The following CLMN variants were observed in gnomAD, a reference collection of about 807,000 sequenced individuals.
The protein encoded by CLMN is calmin.
A neutral mutation model predicts 92.7 loss-of-function variants in CLMN; 57 were observed. That is an observed-to-expected ratio of 0.61 (90% CI 0.50 to 0.77). The LOEUF (loss-of-function observed/expected upper bound fraction) is 0.77. Ranked by LOEUF, CLMN falls within the 30% of genes least tolerant of loss-of-function variation. The pLI is 0.00. For missense variants in CLMN, 1,158 were observed against 1,237.5 expected, an observed-to-expected ratio of 0.94 and a Z score of 0.96; for synonymous variants, 466 against 470.6, an observed-to-expected ratio of 0.99 and a Z score of 0.13.
intron 1 of CLMN, among the ~76,000 whole-genome samples, chr14:95,319,433 G>A (rs903479367): frequency 3.3e-5 from 5 of 152,146 alleles, no homozygotes; most frequent in Non-Finnish European, 5.9e-5. Flanking sequence ...GTGACTGGAG[G>A]GGGTGGTGAC....
In CLMN at chr14:95,229,318, G is replaced by C. The variant is rs148115947; in HGVS notation, c.144+754C>G. Among the ~76,000 whole-genome samples, 265 of 152,246 alleles carry C rather than the reference G, an allele frequency of 1.7e-3. 1 individual carries two copies. The highest frequency in any genetic ancestry group is 0.015 in the South Asian group (71 of 4,820). The stretch of plus-strand genomic sequence containing the variant: ...TCCTCTGTGGCTCTTCCTTTAGTCT[G>C]TTTCAAGTGGGGAGCTGATTCAGCT... On this transcript the variant is annotated intron_variant, in intron 2 of 12. Coordinates refer to ENST00000298912, the MANE Select transcript of CLMN (RefSeq NM_024734.4).
Position 95,203,625 on chromosome 14 carries a change from G to C in CLMN, c.1724C>G (p.Ser575Cys), listed in dbSNP as rs529950009. The part of the protein sequence containing the change: ...KFNSDLIDFA[S>C]TSQAFNKVPS... ...AACTTTGTTGAAAGCCTGGCTGGTA[G>C]AAGCAAAATCTATTAGGTCGCTGTT... The change falls in exon 9 of 13, where the codon TCT becomes TGT. Residue 575 changes from serine to cysteine, a missense_variant. Ser to Cys is a moderately radical substitution (Grantham distance 112, BLOSUM62 -1). Coordinates refer to ENST00000298912, the MANE Select transcript of CLMN (RefSeq NM_024734.4). 7 of 1,614,180 alleles carry C rather than the reference G, an allele frequency of 4.3e-6. No individual in the cohort carries two copies. In the East Asian group the frequency reaches 1.3e-4, roughly 31 times the overall value.
intron 1 of CLMN, chr14:95,260,622 A>G (rs1899214007): frequency 6.6e-6 from 1 of 152,194 alleles, no homozygotes; most frequent in Non-Finnish European, 1.5e-5. Context: ...AGTGTGACTA[A>G]TATCTTACAG....
chr14:95,213,117 G>T, intron 6 of CLMN, 102 bp downstream of exon 6: 2 of 1,250,648 alleles, frequency 1.6e-6, no homozygotes, highest in Non-Finnish European at 2.3e-6. Flanking sequence ...GAAGCAATGG[G>T]CACATACATA....
chr14:95,288,839 T>C (rs1321366844), intron 1 of CLMN, among the ~76,000 whole-genome samples: 2 of 152,186 alleles, frequency 1.3e-5, no homozygotes, highest in East Asian at 3.9e-4. Flanking sequence ...ACAGACATGG[T>C]ACAGTCGCAC....
chr14:95,277,724 T>A lies in CLMN; in HGVS notation c.82+41987A>T, dbSNP rs558695790. Among the ~76,000 whole-genome samples the A allele has an allele frequency of 1.2e-4, 19 of 152,272 alleles. No homozygotes were observed. In the South Asian group the frequency reaches 3.9e-3, roughly 32 times the overall value. ...CTCACTGCAACCTCTGCCTCCCAGG[T>A]TCAAGCAATTCTCCTGTCTCAGCCT... On this transcript the variant is annotated intron_variant, in intron 1 of 12. Coordinates refer to ENST00000298912, the MANE Select transcript of CLMN (RefSeq NM_024734.4).
chr14:95,199,559 C>T (rs1896818150), intron 9 of CLMN, among the ~76,000 whole-genome samples: 1 of 152,172 alleles, frequency 6.6e-6, no homozygotes, highest in Non-Finnish European at 1.5e-5. Context: ...CCTACACTGG[C>T]AGGCCCTGTC....
rs145252872 is a variant in CLMN at position 95,263,911 on chromosome 14, G to A, written c.83-33778C>T. Among the ~76,000 whole-genome samples the A allele has an allele frequency of 7.7e-3, 1,166 of 152,302 alleles. 22 individuals carry two copies. The highest frequency in any genetic ancestry group is 0.027 in the African/African-American group (1,108 of 41,566). ...GTGTCGGTTATGGTCATTGTCACTA[G>A]TATCATCATGACCTCAGACCCTCTG... On this transcript the variant is annotated intron_variant, in intron 1 of 12. Coordinates refer to ENST00000298912, the MANE Select transcript of CLMN (RefSeq NM_024734.4).
At chr14:95,192,969 G>C (rs993348583) in intron 12 of CLMN, 6 of 216,854 alleles carry the variant, frequency 2.8e-5, no homozygotes, top group Non-Finnish European at 5.4e-5. Flanking sequence ...ACTTGAATTA[G>C]TATTTCCATT....
chr14:95,245,222 ATATT>A (rs1472867740), intron 1 of CLMN, among the ~76,000 whole-genome samples: 4 of 33,416 alleles, frequency 1.2e-4, no homozygotes, highest in African/African-American at 7.5e-4. Flanking sequence ...ATATATATAT[ATATT>A]ATATATATAT....
intron 1 of CLMN, among the ~76,000 whole-genome samples, chr14:95,313,798 C>G (rs985313660): frequency 1.3e-5 from 2 of 152,204 alleles, no homozygotes; most frequent in Non-Finnish European, 2.9e-5. Context: ...TATGGCTTGT[C>G]GGGCAGAGGG....
rs1896440101 is a variant in CLMN at position 95,186,385 on chromosome 14, A to G, written c.*5179T>C. On this transcript the variant is annotated 3_prime_UTR_variant, in exon 13 of 13. Coordinates refer to ENST00000298912, the MANE Select transcript of CLMN (RefSeq NM_024734.4). ...CTGGGTGGCTGCCCGAGGGGCAGCA[A>G]GAGTGTCCTGCTTCTGAGCCTTGGT... 1 of 152,270 alleles carries G rather than the reference A, an allele frequency of 6.6e-6. No individual in the cohort carries two copies. Among genetic ancestry groups the G allele is most frequent in the Non-Finnish European group, 1.5e-5 (1 of 68,060 alleles). The allele number at this position is 152,270 out of a possible 1,614,324, so 9.4% of individuals were successfully genotyped here. A position where few individuals can be genotyped will look rare whatever the true frequency, so the allele number is the denominator to read the frequency against.
chr14:95,233,324 C>CAT (rs1897947474), intron 1 of CLMN, among the ~76,000 whole-genome samples: 2 of 151,890 alleles, frequency 1.3e-5, no homozygotes, highest in African/African-American at 4.8e-5. Flanking sequence ...ATCCATCATC[C>CAT]CTCCATCCAC....
At position 95,203,185 on chromosome 14, in the gene CLMN, T is replaced by C. The variant is rs753996642; in HGVS notation, c.2164A>G (p.Ile722Val). 2.5e-6 allele frequency: 4 copies of C among 1,613,100 alleles called. No individual in the cohort carries two copies. The highest frequency in any genetic ancestry group is 2.5e-6 in the Non-Finnish European group (3 of 1,179,996). ...PSPPLSKVSVIPHDLFYFPHY... is the reference protein window; with the variant it reads ...PSPPLSKVSVVPHDLFYFPHY... ...GGGAAATAGAAGAGGTCGTGGGGAATGACGGAAACCTTTGAGAGGGGTGGG... is the reference window on the plus strand; with the variant it reads ...GGGAAATAGAAGAGGTCGTGGGGAACGACGGAAACCTTTGAGAGGGGTGGG... The change falls in exon 9 of 13, where the codon ATT (isoleucine) becomes GTT (valine). Residue 722 changes from isoleucine (I) to valine (V), a missense_variant. By Grantham distance (29) the Ile-to-Val change is conservative (BLOSUM62 3). Coordinates refer to ENST00000298912, the MANE Select transcript of CLMN (RefSeq NM_024734.4).
At chr14:95,238,428 A>C (rs1017122359) in intron 1 of CLMN, among the ~76,000 whole-genome samples, 1 of 147,046 alleles carries the variant, frequency 6.8e-6, no homozygotes, top group African/African-American at 2.7e-5. Flanking sequence ...CAAGGCCTCC[A>C]TGTGGTTTTT....
rs751266799 is a variant in CLMN at position 95,196,700 on chromosome 14, A to G, written c.2512-6T>C. 2.5e-6 allele frequency: 4 copies of G among 1,610,980 alleles called. No individual in the cohort carries two copies. The highest frequency in any genetic ancestry group is 3.4e-6 in the Non-Finnish European group (4 of 1,178,710). ...AGGTTTGGGGATTCCTGGGACTGAA[A>G]GACAGAACAACCAAATCCAAGTCAG... is the stretch of plus-strand genomic sequence containing the variant. On this transcript the variant is annotated splice_region_variant and splice_polypyrimidine_tract_variant and intron_variant, in intron 9 of 12. Transcript: ENST00000298912.
intron 1 of CLMN, among the ~76,000 whole-genome samples, chr14:95,281,792 G>C (rs991300347): frequency 2.6e-5 from 4 of 152,194 alleles, no homozygotes; most frequent in African/African-American, 9.7e-5. Flanking sequence ...TGCAAGATAA[G>C]CTTACTCAAC....
intron 7 of CLMN, among the ~76,000 whole-genome samples, chr14:95,210,374 C>T (rs574572125): frequency 6.6e-6 from 1 of 152,076 alleles, no homozygotes; most frequent in South Asian, 2.1e-4. Flanking sequence ...TTAGTATGCC[C>T]ACTAGATGAA....
At chr14:95,277,127 T>A (rs1899962334) in intron 1 of CLMN, among the ~76,000 whole-genome samples, 1 of 145,000 alleles carries the variant, frequency 6.9e-6, no homozygotes, top group Non-Finnish European at 1.5e-5. Flanking sequence ...ATGGTAAAAA[T>A]CATTGTCTCT....
Sources: gnomAD v4.1 joint callset for allele counts (sites outside exome capture counted in the v4.1 genomes callset) on GRCh38, gnomAD v4.1.1 for gene constraint, MANE v1.5 for transcripts, NCBI Gene and HGNC (gene_info 2026-07-23, HGNC 2026-07-21) for gene names.